MDGA2: variants seen among roughly 807,000 people sequenced by gnomAD.
MDGA2 encodes the protein MAM domain containing glycosylphosphatidylinositol anchor 2, also known as MAM domain-containing glycosylphosphatidylinositol anchor protein 2.
In MDGA2, 40 loss-of-function variants were observed where a neutral mutation model predicts 117.8. The ratio of observed to expected loss-of-function variants is 0.34; its 90% CI spans 0.26 to 0.44. The LOEUF (loss-of-function observed/expected upper bound fraction) is 0.44, where lower values mean the gene tolerates loss of function less well. MDGA2 is among the 20% of genes least tolerant of loss of function. MDGA2 has a pLI of 1.00. For missense variants in MDGA2, 1,123 were observed against 1,250.6 expected, an observed-to-expected ratio of 0.90 and a Z score of 1.54; for synonymous variants, 452 against 439.0, an observed-to-expected ratio of 1.03 and a Z score of -0.37.
At chr14:47,178,355 G>A (rs1372517202) in intron 3 of MDGA2, among the ~76,000 whole-genome samples, 1 of 152,148 alleles carries the variant, frequency 6.6e-6, no homozygotes, top group Non-Finnish European at 1.5e-5. Context: ...CCACAAGGCT[G>A]ACATCAGTGT....
chr14:47,595,563 A>AC (rs1896526131), intron 1 of MDGA2, among the ~76,000 whole-genome samples: 1 of 150,524 alleles, frequency 6.6e-6, no homozygotes, highest in Admixed American at 6.6e-5. Flanking sequence ...AAAACAAAAA[A>AC]AAAAAAAACC....
chr14:46,983,981 G>A (rs371056370), intron 8 of MDGA2, among the ~76,000 whole-genome samples: 1 of 151,918 alleles, frequency 6.6e-6, no homozygotes, highest in Non-Finnish European at 1.5e-5. Context: ...TCTGATTGAT[G>A]TTACAAGTGC....
chr14:47,666,111 G>A (rs1026868691), intron 1 of MDGA2, among the ~76,000 whole-genome samples: 3 of 152,056 alleles, frequency 2.0e-5, no homozygotes, highest in Admixed American at 2.0e-4. Flanking sequence ...CTCAAGGTTT[G>A]TAAACACACC....
At chr14:46,865,542 G>A (rs948110459) in intron 14 of MDGA2, among the ~76,000 whole-genome samples, 2 of 152,044 alleles carry the variant, frequency 1.3e-5, no homozygotes, top group Admixed American at 6.6e-5. Flanking sequence ...TCTGGCCAGG[G>A]CAATTAGGCA....
chr14:47,505,302 T>C (rs1414608430), intron 1 of MDGA2, among the ~76,000 whole-genome samples: 2 of 152,242 alleles, frequency 1.3e-5, no homozygotes, highest in South Asian at 2.1e-4. Flanking sequence ...GTGATATGAC[T>C]AAGATTAGCA....
rs1042341519 is a variant in MDGA2 at position 47,097,693 on chromosome 14, G to T, written c.926-570C>A. On this transcript the variant is annotated intron_variant, in intron 5 of 16. Coordinates refer to ENST00000399232, the MANE Select transcript of MDGA2 (RefSeq NM_001113498.3). ...TAAAATCATCTAATTCTAATGCAGTGTCCATACTTCATCTCTAACCTCTTC... is the reference window on the plus strand; with the variant it reads ...TAAAATCATCTAATTCTAATGCAGTTTCCATACTTCATCTCTAACCTCTTC... Among the ~76,000 whole-genome samples, 4 of 152,048 alleles carry T rather than the reference G, an allele frequency of 2.6e-5. No individual in the cohort carries two copies. In the East Asian group the frequency reaches 7.7e-4, roughly 29 times the overall value.
At chr14:47,020,063 C>T (rs1299994398) in intron 8 of MDGA2, among the ~76,000 whole-genome samples, 2 of 152,008 alleles carry the variant, frequency 1.3e-5, no homozygotes, top group African/African-American at 4.8e-5. Context: ...TTTACAGGTC[C>T]CCACTCAAAA....
chr14:46,871,707 A>G (rs1288348777), intron 14 of MDGA2: 1 of 158,786 alleles, frequency 6.3e-6, no homozygotes, highest in African/African-American at 2.4e-5. Flanking sequence ...GCTTTCTGAA[A>G]TAAGAGTTAT....
intron 1 of MDGA2, among the ~76,000 whole-genome samples, chr14:47,468,838 T>C (rs1414532480): frequency 6.6e-6 from 1 of 152,110 alleles, no homozygotes; most frequent in Non-Finnish European, 1.5e-5. Flanking sequence ...TGTGTGAGCA[T>C]ACAAGGAATC....
At chr14:46,931,764 C>A (rs547669702) in intron 9 of MDGA2, among the ~76,000 whole-genome samples, 1 of 152,142 alleles carries the variant, frequency 6.6e-6, no homozygotes, top group South Asian at 2.1e-4. Flanking sequence ...CTCAGGTGAT[C>A]CACCAGCCTC....
chr14:47,286,722 A>C (rs540810982), intron 2 of MDGA2, among the ~76,000 whole-genome samples: 1 of 151,150 alleles, frequency 6.6e-6, no homozygotes, highest in South Asian at 2.1e-4. Context: ...AGAGCAGGAC[A>C]CTTTTTGAAA....
At chr14:46,913,347 A>C (rs993417322) in intron 10 of MDGA2, among the ~76,000 whole-genome samples, 1 of 152,148 alleles carries the variant, frequency 6.6e-6, no homozygotes, top group Non-Finnish European at 1.5e-5. Context: ...TTATACAAAG[A>C]ATCCAGATTA....
intron 1 of MDGA2, among the ~76,000 whole-genome samples, chr14:47,479,861 AC>A: frequency 6.6e-6 from 1 of 152,202 alleles, no homozygotes; most frequent in East Asian, 1.9e-4. Context: ...AGTTATATTT[AC>A]ACCAACAATT....
chr14:47,280,213 C>G (rs1053197855), intron 2 of MDGA2, among the ~76,000 whole-genome samples: 3 of 146,560 alleles, frequency 2.0e-5, no homozygotes, highest in Non-Finnish European at 4.5e-5. Flanking sequence ...ACTCGGGACG[C>G]TGAGGCAGGA....
chr14:47,222,983 A>G (rs1004171893), intron 2 of MDGA2, among the ~76,000 whole-genome samples: 1 of 152,188 alleles, frequency 6.6e-6, no homozygotes, highest in Non-Finnish European at 1.5e-5. Context: ...TTTTAATTGG[A>G]CTTACTGTTC....
intron 1 of MDGA2, among the ~76,000 whole-genome samples, chr14:47,428,630 C>A (rs1392558399): frequency 1.3e-5 from 2 of 151,882 alleles, no homozygotes; most frequent in African/African-American, 2.4e-5. Context: ...AAATAAGAAA[C>A]CCTAGTGGGA....
At chr14:47,472,590 T>C (rs940748652) in intron 1 of MDGA2, among the ~76,000 whole-genome samples, 1 of 152,118 alleles carries the variant, frequency 6.6e-6, no homozygotes, top group Admixed American at 6.6e-5. Flanking sequence ...CAGTGGAGGT[T>C]AGAATGAAAT....
At chr14:47,463,233 T>C (rs1214318290) in intron 1 of MDGA2, among the ~76,000 whole-genome samples, 1 of 152,174 alleles carries the variant, frequency 6.6e-6, no homozygotes, top group South Asian at 2.1e-4. Context: ...CCCATTCCAC[T>C]GAAAAAATTC....
intron 2 of MDGA2, among the ~76,000 whole-genome samples, chr14:47,236,290 C>CAAAAAAAAAAAAAAAAAAAAAAAAAA (rs5808383): frequency 1.5e-5 from 1 of 67,252 alleles, no homozygotes; most frequent in Non-Finnish European, 2.7e-5. Context: ...GACTCCGCCT[C>CAAAAAAAAAAAAAAAAAAAAAAAAAA]AAAAAAAAAA....
Sources: allele counts gnomAD v4.1 joint callset (sites outside exome capture counted in the v4.1 genomes callset), GRCh38; gene constraint gnomAD v4.1.1; transcripts MANE v1.5; gene names NCBI Gene and HGNC (gene_info 2026-07-23, HGNC 2026-07-21).